The following DNAH1 variants were observed in gnomAD, a reference collection of about 807,000 sequenced individuals.
DNAH1 encodes the protein dynein axonemal heavy chain 1, also known as axonemal beta dynein heavy chain 1.
Under a neutral mutation model 484.3 loss-of-function variants are expected in DNAH1, and 327 were observed. The observed-to-expected ratio is 0.68, with a 90% CI of 0.62 to 0.74. The LOEUF is 0.74. Among genes scored for constraint, DNAH1 ranks in the 30% least tolerant of loss-of-function variants. The pLI, the probability that DNAH1 is intolerant of heterozygous loss-of-function variation, is 0.00. For missense variants in DNAH1, 5,052 were observed against 5,546.8 expected (o/e 0.91, Z 2.83); for synonymous variants, 2,192 against 2,191.9 (o/e 1.00, Z 0.00).
In DNAH1 at chr3:52,397,797, A is replaced by G. The variant is rs2153225835; in HGVS notation, c.11878A>G (p.Asn3960Asp). ...CAATGCCAACATCACCTTTGCCCAG[A>G]ACGAGACGTTCGCCCTCCTGGGCAC... is the stretch of plus-strand genomic sequence containing the variant. ...HDNANITFAQ[N>D]ETFALLGTII... Residue 3960 changes from asparagine to aspartate, a missense_variant, in exon 74 of 78, where the codon AAC becomes GAC. Asn to Asp is a conservative substitution (Grantham distance 23). Around this residue, in one of 4 missense-constraint regions of DNAH1, gnomAD observed 853 missense variants for 899.0 expected, o/e 0.95. Coordinates refer to ENST00000420323, the MANE Select transcript of DNAH1 (RefSeq NM_015512.5). The G allele has an allele frequency of 1.9e-6, 3 of 1,613,764 alleles. No homozygotes were observed. In the East Asian group the frequency reaches 6.7e-5, roughly 36 times the overall value.
chr3:52,357,493 G>A, intron 22 of DNAH1, 121 bp from the exon 23 acceptor site: 1 of 1,317,850 alleles, frequency 7.6e-7, no homozygotes, highest in South Asian at 1.5e-5. Context: ...GAATTTTTCT[G>A]CATCTTCTTT....
Position 52,393,283 on chromosome 3 carries a change from C to T in DNAH1, c.10475-51C>T. 3 of 1,600,614 alleles carry T rather than the reference C, an allele frequency of 1.9e-6. No homozygotes were observed. The South Asian group carries it at 3.3e-5, about 18-fold the overall frequency. Reference sequence around the variant, plus strand: ...GGCTAGGCTGGGCTGGACCCCGGGGCTCTTCCTTCCTCTCACCTCTCCGCG... The same window carrying T: ...GGCTAGGCTGGGCTGGACCCCGGGGTTCTTCCTTCCTCTCACCTCTCCGCG... On this transcript the variant is annotated intron_variant, in intron 65 of 77. Coordinates refer to ENST00000420323, the MANE Select transcript of DNAH1 (RefSeq NM_015512.5).
chr3:52,359,101 G>C, intron 25 of DNAH1, 145 bp from the exon 26 acceptor site: 1 of 1,237,078 alleles, frequency 8.1e-7, no homozygotes, highest in Non-Finnish European at 1.1e-6. Flanking sequence ...GAGCATAAGG[G>C]CTTCCCTGCT....
chr3:52,395,585 G>A lies in DNAH1; in HGVS notation c.11166G>A (p.Glu3722=), dbSNP rs775839179. The A allele has an allele frequency of 2.0e-5, 32 of 1,613,712 alleles. No individual in the cohort carries two copies. Among genetic ancestry groups the A allele is most frequent in the Non-Finnish European group, 1.3e-5 (15 of 1,179,908 alleles). Residue 3722 remains glutamate (E), a synonymous_variant, in exon 70 of 78, where the codon GAG becomes GAA. Transcript: ENST00000420323. The surrounding 1 kb of genome is among the most constrained non-coding windows in gnomAD (Gnocchi z 4.4). The part of the protein sequence containing the change: ...RAEAMMRSSI[E]RGKWVFFQNC... The stretch of plus-strand genomic sequence containing the variant: ...AAGCCATGATGCGCAGCTCCATAGA[G>A]AGGGGCAAATGGGTCTTCTTCCAGA...
At position 52,364,877 on chromosome 3, in the gene DNAH1, G is replaced by A; in HGVS notation, c.5376G>A (p.Lys1792=). ...LRAIRDVNVP[K]FLQEDLKLFS... ...CCATCCGTGATGTGAACGTGCCCAA[G>A]TTCCTGCAGGAGGACCTCAAGCTCT... is the stretch of plus-strand genomic sequence containing the variant. Residue 1792 remains lysine (K), a synonymous_variant, in exon 34 of 78, where the codon AAG becomes AAA. Transcript: ENST00000420323. This position sits in a 1 kb window ranked among gnomAD's most constrained non-coding sequence, Gnocchi z 4.2. The A allele has an allele frequency of 6.2e-7, 1 of 1,614,002 alleles. No homozygotes were observed. Among genetic ancestry groups the A allele is most frequent in the Non-Finnish European group, 8.5e-7 (1 of 1,179,876 alleles).
chr3:52,331,020 C>T, intron 6 of DNAH1, 128 bp from the exon 7 acceptor site: 1 of 1,184,250 alleles, frequency 8.4e-7, no homozygotes, highest in Non-Finnish European at 1.2e-6. Flanking sequence ...CAGAGGGGGG[C>T]ATCCCAGCGG....
chr3:52,386,727 A>G lies in DNAH1; in HGVS notation c.8877A>G (p.Lys2959=), dbSNP rs1553641002. Residue 2959 remains lysine, a synonymous_variant, in exon 56 of 78, where the codon AAA becomes AAG. Coordinates refer to ENST00000420323, the MANE Select transcript of DNAH1 (RefSeq NM_015512.5). ...KLVIEAVCIM[K]GIKPKKVPGE... ...TCATAGAAGCTGTGTGCATTATGAA[A>G]GGCATCAAGCCCAAGAAGGTGCCTG... 12 of 1,591,326 alleles carry G rather than the reference A, an allele frequency of 7.5e-6. No homozygotes were observed. In the Middle Eastern group the frequency reaches 8.3e-4, roughly 110 times the overall value.
intron 43 of DNAH1, among the ~76,000 whole-genome samples, chr3:52,372,643 CTG>C (rs1703396095): frequency 6.6e-6 from 1 of 152,238 alleles, no homozygotes; most frequent in Non-Finnish European, 1.5e-5. Flanking sequence ...CTGGGTCTGT[CTG>C]TGAGAAGCCT....
At chr3:52,373,474 CAGT>C (rs1345213409) in intron 44 of DNAH1, among the ~76,000 whole-genome samples, 1 of 152,264 alleles carries the variant, frequency 6.6e-6, no homozygotes, top group Non-Finnish European at 1.5e-5. Context: ...GGACAAGACA[CAGT>C]AGAATCAGAG....
chr3:52,345,733 G>A (rs1702116003), intron 10 of DNAH1, 27 bp downstream of exon 10: 2 of 1,596,510 alleles, frequency 1.3e-6, no homozygotes, highest in Non-Finnish European at 1.7e-6. Flanking sequence ...GGCACAGGGG[G>A]CAAACGCAGG....
chr3:52,391,301 A>G lies in DNAH1; in HGVS notation c.9864A>G (p.Pro3288=). 6.2e-7 allele frequency: 1 copy of G among 1,611,848 alleles called. No homozygotes were observed. Among genetic ancestry groups the G allele is most frequent in the Admixed American group, 1.7e-5 (1 of 59,708 alleles). ...LLENVGEELD[P]ALEPVLLKQT... ...AGAACGTGGGCGAGGAGCTAGACCC[A>G]GCCCTGGAGCCAGTGCTGCTCAAGC... is the stretch of plus-strand genomic sequence containing the variant. The change falls in exon 62 of 78, where the codon CCA becomes CCG. Residue 3288 remains proline (P), a synonymous_variant. Coordinates refer to ENST00000420323, the MANE Select transcript of DNAH1 (RefSeq NM_015512.5).
At chr3:52,332,474 A>G (rs1227842586) in intron 8 of DNAH1, 80 bp downstream of exon 8, 2 of 1,554,192 alleles carry the variant, frequency 1.3e-6, no homozygotes, top group Non-Finnish European at 1.7e-6. Context: ...GTGCTACTCC[A>G]GGGTGGAGCT....
At position 52,375,409 on chromosome 3, in the gene DNAH1, G is replaced by A. The variant is rs1341552636; in HGVS notation, c.7155G>A (p.Trp2385Ter). Reference sequence around the variant, plus strand: ...TCTTCTCCACCATCCTGGGCAACTGGTTGGGTGAGTATTGGTGGGGGTGAG... The same window carrying A: ...TCTTCTCCACCATCCTGGGCAACTGATTGGGTGAGTATTGGTGGGGGTGAG... ...KRIFSTILGNWLDGLLGEKSY... is the reference protein window; with the variant it reads ...KRIFSTILGN The change falls in exon 45 of 78, where the codon TGG becomes TGA. Residue 2385 changes from tryptophan (W) to a stop codon, truncating the protein, a stop_gained. Coordinates refer to ENST00000420323, the MANE Select transcript of DNAH1 (RefSeq NM_015512.5). LOFTEE classifies it high-confidence loss of function. 1.9e-6 allele frequency: 3 copies of A among 1,612,396 alleles called. No individual in the cohort carries two copies. The highest frequency in any genetic ancestry group is 2.5e-6 in the Non-Finnish European group (3 of 1,179,530).
chr3:52,372,873 G>A (rs1703406035), intron 43 of DNAH1, 23 bp from the exon 44 acceptor site: 2 of 1,601,916 alleles, frequency 1.2e-6, no homozygotes, highest in African/African-American at 1.3e-5. Flanking sequence ...TGGGTGCTGG[G>A]CTCACACAGC....
rs374502425 is a variant in DNAH1, at chr3:52,377,944, A to C, written c.7199-658A>C. ...CAAGAGTGTCAGCTTGAGGGCAAGG[A>C]GTGTGTCTGTTTGGGTCACTCTGTG... is the stretch of plus-strand genomic sequence containing the variant. On this transcript the variant is annotated intron_variant, in intron 46 of 77. Transcript: ENST00000420323. Among the ~76,000 whole-genome samples, 42 of 152,170 alleles carry C rather than the reference A, an allele frequency of 2.8e-4. No individual in the cohort carries two copies. In the South Asian group the frequency reaches 8.7e-3, roughly 32 times the overall value.
intron 77 of DNAH1, 86 bp from the exon 78 acceptor site, chr3:52,400,239 A>C: frequency 6.4e-7 from 1 of 1,564,518 alleles, no homozygotes; most frequent in Non-Finnish European, 8.7e-7. Flanking sequence ...TCCTCAGCTT[A>C]GTCTGCCCAC....
intron 7 of DNAH1, 122 bp downstream of exon 7, chr3:52,331,431 C>A: frequency 1.7e-6 from 2 of 1,184,888 alleles, no homozygotes; most frequent in Non-Finnish European, 2.3e-6. Context: ...TCTGTTTGCC[C>A]AATGCCCTGA....
Position 52,355,651 on chromosome 3 carries a change from G to A in DNAH1, c.3693+596G>A, listed in dbSNP as rs144634756. Among the ~76,000 whole-genome samples, 520 of 152,314 alleles carry A rather than the reference G, an allele frequency of 3.4e-3. 2 individuals carry two copies. Among genetic ancestry groups the A allele is most frequent in the African/African-American group, 0.012 (500 of 41,580 alleles). ...CCCTGATAGCTGCTCAGAGACCTCC[G>A]GCGAAGGCCAGAAGCAGGTGGGGAG... is the stretch of plus-strand genomic sequence containing the variant. On this transcript the variant is annotated intron_variant, in intron 21 of 77. Transcript: ENST00000420323. The surrounding 1 kb of genome is among the most constrained non-coding windows in gnomAD (Gnocchi z 4.5).
upstream of DNAH1, among the ~76,000 whole-genome samples, chr3:52,312,718 T>G (rs1186586998): frequency 6.6e-5 from 10 of 152,108 alleles, no homozygotes; most frequent in Admixed American, 6.5e-4. Context: ...AGTGGTGCGA[T>G]CTCGGCTCAC....
Sources: allele counts gnomAD v4.1 joint callset (sites outside exome capture counted in the v4.1 genomes callset), GRCh38; gene constraint gnomAD v4.1.1; regional missense constraint gnomAD v4.1.1; non-coding constraint Gnocchi (gnomAD v3.1); transcripts MANE v1.5; gene names NCBI Gene and HGNC (gene_info 2026-07-23, HGNC 2026-07-21).